Variants in TENM3 observed in about 807,000 individuals in gnomAD.
TENM3 encodes teneurin-3.
In TENM3, 63 loss-of-function variants were observed where a neutral mutation model predicts 255.1. The ratio of observed to expected loss-of-function variants is 0.25; its 90% CI spans 0.20 to 0.30. The LOEUF (loss-of-function observed/expected upper bound fraction) is 0.30. TENM3 is among the 10% of genes least tolerant of loss of function. TENM3 has a pLI of 1.00. For synonymous variants in TENM3, 1,306 were observed against 1,322.3 expected (o/e 0.99, Z 0.27); for missense variants, 2,929 against 3,461.1 (o/e 0.85, Z 3.86).
chr4:181,673,177 C>T, the TENM3 span, among the ~76,000 whole-genome samples: 9 of 152,186 alleles, frequency 5.9e-5, no homozygotes, highest in East Asian at 5.8e-4. Context: ...CTGTTTTATG[C>T]GTATACCTAT....
intron 3 of TENM3, 63 bp downstream of exon 3, chr4:182,346,992 C>CGG: frequency 2.0e-6 from 2 of 1,010,482 alleles, no homozygotes; most frequent in Non-Finnish European, 1.3e-6. Flanking sequence ...TTGGTTGACT[C>CGG]CGCGGGGGGG....
chr4:182,301,432 G>A (rs1206798849), intron 1 of TENM3, among the ~76,000 whole-genome samples: 2 of 152,164 alleles, frequency 1.3e-5, no homozygotes, highest in African/African-American at 2.4e-5. Context: ...ACAAGGTACG[G>A]TTTTGACAGG....
chr4:181,500,325 G>A, the TENM3 span, among the ~76,000 whole-genome samples: 4 of 145,810 alleles, frequency 2.7e-5, no homozygotes, highest in Non-Finnish European at 6.1e-5. Flanking sequence ...CACCGCACCC[G>A]GCCTTATGGA....
At chr4:182,495,773 G>A (rs1735720474) in intron 3 of TENM3, among the ~76,000 whole-genome samples, 1 of 152,238 alleles carries the variant, frequency 6.6e-6, no homozygotes, top group South Asian at 2.1e-4. Context: ...TTTGAAAACG[G>A]GATGTAATTA....
chr4:182,489,172 T>C (rs1466541216), intron 3 of TENM3, among the ~76,000 whole-genome samples: 3 of 152,130 alleles, frequency 2.0e-5, no homozygotes, highest in South Asian at 2.1e-4. Flanking sequence ...AGTAAACATA[T>C]TCACTTTTGG....
the TENM3 span, among the ~76,000 whole-genome samples, chr4:181,664,194 G>A: frequency 7.2e-5 from 11 of 152,238 alleles, no homozygotes; most frequent in East Asian, 5.8e-4. Context: ...CTGGCTGGGC[G>A]CAGTGGCTCA....
the TENM3 span, among the ~76,000 whole-genome samples, chr4:181,520,925 T>C: frequency 2.1e-3 from 322 of 152,360 alleles, 2 homozygotes; most frequent in African/African-American, 7.0e-3. Context: ...TCTGTTCCAC[T>C]GATGCCTGCA....
chr4:182,003,412 T>A, the TENM3 span, among the ~76,000 whole-genome samples: 11 of 152,106 alleles, frequency 7.2e-5, no homozygotes, highest in Admixed American at 3.9e-4. Flanking sequence ...TAATATATTA[T>A]ACCCCATGGG....
the TENM3 span, among the ~76,000 whole-genome samples, chr4:181,638,305 G>A: frequency 2.6e-5 from 4 of 152,142 alleles, no homozygotes; most frequent in South Asian, 2.1e-4. Flanking sequence ...TTCCTCCAGC[G>A]TAAGCACTGG....
chr4:182,161,039 G>C (rs1751112493), intron 1 of TENM3, among the ~76,000 whole-genome samples: 1 of 152,112 alleles, frequency 6.6e-6, no homozygotes, highest in South Asian at 2.1e-4. Flanking sequence ...AGCATTTTGG[G>C]AGGCTGAGGT....
intron 1 of TENM3, among the ~76,000 whole-genome samples, chr4:182,254,476 G>A (rs1450299389): frequency 2.6e-5 from 4 of 152,016 alleles, no homozygotes; most frequent in Non-Finnish European, 1.5e-5. Flanking sequence ...TCATTCTTCC[G>A]GTATTTAGCA....
Position 182,499,556 on chromosome 4 carries a change from C to G in TENM3, c.512-101368C>G, listed in dbSNP as rs143385899. ...AGAAGAAATACTGAGAAAGAGAAAC[C>G]CTTCCCCTCCTGCCTCTTTTCCTGT... On this transcript the variant is annotated intron_variant, in intron 3 of 27. Coordinates refer to ENST00000511685, the MANE Select transcript of TENM3 (RefSeq NM_001080477.4). Among the ~76,000 whole-genome samples, 968 of 152,220 alleles carry G rather than the reference C, an allele frequency of 6.4e-3. 9 individuals carry two copies. Among genetic ancestry groups the G allele is most frequent in the African/African-American group, 0.022 (930 of 41,526 alleles).
At chr4:181,704,174 G>T in the TENM3 span, among the ~76,000 whole-genome samples, 3 of 152,086 alleles carry the variant, frequency 2.0e-5, no homozygotes, top group Non-Finnish European at 4.4e-5. Context: ...AAGCAATCGC[G>T]TTTGTATTTT....
At chr4:181,784,685 T>G in the TENM3 span, among the ~76,000 whole-genome samples, 1 of 152,176 alleles carries the variant, frequency 6.6e-6, no homozygotes, top group Non-Finnish European at 1.5e-5. Flanking sequence ...TCATTTCAGA[T>G]AAACGCTTTC....
chr4:181,787,147 C>T, the TENM3 span, among the ~76,000 whole-genome samples: 181 of 152,298 alleles, frequency 1.2e-3, 1 homozygote, highest in South Asian at 0.034. Context: ...AGGCCGGACA[C>T]GCCTTGTTCC....
At chr4:182,599,894 A>T (rs779652770) in intron 3 of TENM3, among the ~76,000 whole-genome samples, 1 of 152,242 alleles carries the variant, frequency 6.6e-6, no homozygotes. Context: ...GCATTAAATT[A>T]AAGAGTCATC....
chr4:182,260,449 T>C (rs1489851994), intron 1 of TENM3, among the ~76,000 whole-genome samples: 41 of 152,210 alleles, frequency 2.7e-4, no homozygotes, highest in East Asian at 1.9e-4. Context: ...AAAAAAAGTG[T>C]ATCAAAATTA....
At chr4:181,885,287 G>A in the TENM3 span, among the ~76,000 whole-genome samples, 1 of 152,250 alleles carries the variant, frequency 6.6e-6, no homozygotes, top group East Asian at 1.9e-4. Context: ...GTTTTGAGAC[G>A]GAGTCTAGCT....
At chr4:182,537,373 C>T (rs886135445) in intron 3 of TENM3, among the ~76,000 whole-genome samples, 6 of 152,150 alleles carry the variant, frequency 3.9e-5, no homozygotes, top group Non-Finnish European at 8.8e-5. Context: ...TATGTAAGAT[C>T]TCTCTCTTGT....
Sources: gnomAD v4.1 joint callset for allele counts (sites outside exome capture counted in the v4.1 genomes callset) on GRCh38, gnomAD v4.1.1 for gene constraint, MANE v1.5 for transcripts, NCBI Gene and HGNC (gene_info 2026-07-23, HGNC 2026-07-21) for gene names.